GYG2: variants seen among roughly 807,000 people sequenced by gnomAD.
The protein encoded by GYG2 is glycogenin-2.
Under a neutral mutation model 29.4 loss-of-function variants are expected in GYG2, and 29 were observed. The ratio of observed to expected loss-of-function variants is 0.99; its 90% CI spans 0.74 to 1.35. The LOEUF is 1.35. Among genes scored for constraint, GYG2 ranks in the 40% most tolerant of loss-of-function variants. The pLI is 0.00. For synonymous variants in GYG2, 167 were observed against 172.3 expected, an observed-to-expected ratio of 0.97 and a Z score of 0.24; for missense variants, 370 against 385.7, an observed-to-expected ratio of 0.96 and a Z score of 0.34.
Position 2,867,624 on chromosome X carries a change from C to T in GYG2, c.1038+5902C>T, listed in dbSNP as rs145979493. 6.1e-4 allele frequency among the ~76,000 whole-genome samples: 67 copies of T among 110,555 alleles called. 1 individual carries two copies. The highest frequency in any genetic ancestry group is 2.1e-3 in the African/African-American group (65 of 30,430). ...AGGCATTGGAGACCCACTGTGTAGA[C>T]GACTGCGAGACATGCTTAAATATTT... On this transcript the variant is annotated intron_variant, in intron 8 of 10. Coordinates refer to ENST00000398806, the MANE Select transcript of GYG2 (RefSeq NM_001079855.2).
Position 2,859,990 on chromosome X carries a change from G to A in GYG2, c.762G>A (p.Thr254=), listed in dbSNP as rs749776658. The change falls in exon 7 of 11, where the codon ACG becomes ACA. Residue 254 remains threonine (T), a synonymous_variant. Coordinates refer to ENST00000398806, the MANE Select transcript of GYG2 (RefSeq NM_001079855.2). ...CGGCATTCCTTCATCTCTGGTGGACGGTCTACCAGAACAACGTGCTGCCCC... is the reference window on the plus strand; with the variant it reads ...CGGCATTCCTTCATCTCTGGTGGACAGTCTACCAGAACAACGTGCTGCCCC... The part of the protein sequence containing the change: ...HQAAFLHLWW[T]VYQNNVLPLY... The A allele has an allele frequency of 1.3e-5, 16 of 1,202,700 alleles. No homozygotes were observed. Among genetic ancestry groups the A allele is most frequent in the South Asian group, 1.8e-5 (1 of 55,820 alleles).
At chrX:2,829,321 C>T (rs1169038386) in intron 1 of GYG2, 2 of 94,199 alleles carry the variant, frequency 2.1e-5, no homozygotes, top group East Asian at 6.9e-4. Context: ...GCCGTCCAGG[C>T]GCGGCGGGGC....
intron 2 of GYG2, among the ~76,000 whole-genome samples, chrX:2,840,682 G>T (rs1165716662): frequency 2.7e-5 from 3 of 111,081 alleles, no homozygotes; most frequent in Non-Finnish European, 5.7e-5. Flanking sequence ...ATAGGTAGAT[G>T]GTAGGTATAG....
chrX:2,851,285 G>A (rs185548365), intron 3 of GYG2, among the ~76,000 whole-genome samples: 2,624 of 111,309 alleles, frequency 0.024, 98 homozygotes, highest in African/African-American at 0.08. Flanking sequence ...TCGCTCTGTC[G>A]CCCAGGCCGG....
intron 4 of GYG2, among the ~76,000 whole-genome samples, chrX:2,854,400 C>T (rs1228070693): frequency 1.8e-5 from 2 of 112,146 alleles, no homozygotes; most frequent in African/African-American, 6.5e-5. Flanking sequence ...TTTTGTATTT[C>T]TGTACAGACT....
chrX:2,851,340 G>A (rs2087867722), intron 3 of GYG2, among the ~76,000 whole-genome samples: 2 of 111,581 alleles, frequency 1.8e-5, no homozygotes, highest in Admixed American at 1.9e-4. Context: ...CTGCCTCCCA[G>A]GTTCAAGCAA....
chrX:2,831,059 A>C (rs2087252807), intron 2 of GYG2, among the ~76,000 whole-genome samples: 1 of 112,586 alleles, frequency 8.9e-6, no homozygotes. Context: ...TGTGGACATC[A>C]GATAGACTGG....
At chrX:2,841,302 T>C (rs1350499733) in intron 2 of GYG2, among the ~76,000 whole-genome samples, 1 of 108,200 alleles carries the variant, frequency 9.2e-6, no homozygotes, top group Admixed American at 9.9e-5. Context: ...GGTAGATGGA[T>C]GGATGAATGG....
At position 2,854,140 on chromosome X, in the gene GYG2, G is replaced by A; in HGVS notation, c.310G>A (p.Asp104Asn). Residue 104 changes from aspartate (D) to asparagine (N), a missense_variant, in exon 4 of 11, where the codon GAT becomes AAT. By Grantham distance (23) the Asp-to-Asn change is conservative. Transcript: ENST00000398806. The part of the protein sequence containing the change: ...LTHYSKCVFL[D>N]ADTLVLSNVD... ...TCACTACAGCAAGTGTGTCTTCCTG[G>A]ATGCAGACACTCTGGTGAGTGAAGA... is the stretch of plus-strand genomic sequence containing the variant. 3 of 1,185,901 alleles carry A rather than the reference G, an allele frequency of 2.5e-6. No individual in the cohort carries two copies. The highest frequency in any genetic ancestry group is 2.3e-6 in the Non-Finnish European group (2 of 877,212).
At chrX:2,829,738 G>C (rs2087219132) in intron 1 of GYG2, among the ~76,000 whole-genome samples, 1 of 109,491 alleles carries the variant, frequency 9.1e-6, no homozygotes, top group Admixed American at 9.6e-5. Context: ...AAGCAGGTGC[G>C]CGGGGCGGCG....
chrX:2,856,329 C>G (rs1431116326), intron 5 of GYG2, among the ~76,000 whole-genome samples, 169 bp from the exon 6 acceptor site: 2 of 111,317 alleles, frequency 1.8e-5, no homozygotes, highest in African/African-American at 6.5e-5. Flanking sequence ...CTTGGGTTAT[C>G]AGTCTTTTCT....
chrX:2,856,058 T>A (rs1168277603), intron 5 of GYG2, among the ~76,000 whole-genome samples: 2 of 112,263 alleles, frequency 1.8e-5, no homozygotes, highest in African/African-American at 6.5e-5. Flanking sequence ...GAGTATTTGT[T>A]GAAATGGGCG....
intron 8 of GYG2, 84 bp downstream of exon 8, chrX:2,861,806 C>G (rs1278961323): frequency 1.4e-6 from 1 of 731,119 alleles, no homozygotes; most frequent in Non-Finnish European, 2.1e-6. Flanking sequence ...TCCCTGGCTC[C>G]CTGGGGAGGG....
chrX:2,868,452 G>A (rs189700722), intron 8 of GYG2, among the ~76,000 whole-genome samples: 2,134 of 80,395 alleles, frequency 0.027, 27 homozygotes, highest in Non-Finnish European at 0.037. Flanking sequence ...GTGAGACTCC[G>A]TCTCAAAAAA....
Position 2,871,123 on chromosome X carries a change from G to T in GYG2, c.1039-4687G>T, listed in dbSNP as rs189511902. On this transcript the variant is annotated intron_variant, in intron 8 of 10. Coordinates refer to ENST00000398806, the MANE Select transcript of GYG2 (RefSeq NM_001079855.2). ...TGGGCTTCAGTGTTTGTGATGACCA[G>T]TCTATTTCTGGTTCTCCTCTCAGTG... 4.8e-3 allele frequency among the ~76,000 whole-genome samples: 530 copies of T among 109,989 alleles called. 4 individuals are homozygous for T. The highest frequency in any genetic ancestry group is 0.015 in the African/African-American group (445 of 30,199).
chrX:2,877,273 C>A lies in GYG2; in HGVS notation c.1217C>A (p.Ala406Asp). ...FEPSQELPAE[A>D]LRDPSLQDAL... Reference sequence around the variant, plus strand: ...CCAAGCCAGGAACTCCCTGCTGAGGCTCTCAGGGACCCCAGTCTGCAGGAT... The same window carrying A: ...CCAAGCCAGGAACTCCCTGCTGAGGATCTCAGGGACCCCAGTCTGCAGGAT... Residue 406 changes from alanine (A) to aspartate (D), a missense_variant, in exon 10 of 11, where the codon GCT (alanine) becomes GAT (aspartate). Coordinates refer to ENST00000398806, the MANE Select transcript of GYG2 (RefSeq NM_001079855.2). The A allele has an allele frequency of 8.3e-7, 1 of 1,210,315 alleles. No individual in the cohort carries two copies. The highest frequency in any genetic ancestry group is 1.1e-6 in the Non-Finnish European group (1 of 894,463).
intron 2 of GYG2, among the ~76,000 whole-genome samples, chrX:2,832,967 A>G (rs1184249858): frequency 8.9e-6 from 1 of 111,892 alleles, no homozygotes; most frequent in Non-Finnish European, 1.9e-5. Flanking sequence ...GCAGGTTATG[A>G]TATTCATATA....
chrX:2,871,960 G>T (rs1221389273), intron 8 of GYG2, among the ~76,000 whole-genome samples: 3 of 111,777 alleles, frequency 2.7e-5, no homozygotes, highest in Admixed American at 1.9e-4. Flanking sequence ...TGCTGTAAAT[G>T]TTATCTCCTT....
intron 6 of GYG2, 23 bp from the exon 7 acceptor site, chrX:2,859,819 GA>G (rs1423414484): frequency 9.5e-7 from 1 of 1,054,381 alleles, no homozygotes. Flanking sequence ...GTGGAAATCA[GA>G]ATCCCTTCTG....
Sources: gnomAD v4.1 joint callset for allele counts (sites outside exome capture counted in the v4.1 genomes callset) on GRCh38, gnomAD v4.1.1 for gene constraint, MANE v1.5 for transcripts, NCBI Gene and HGNC (gene_info 2026-07-23, HGNC 2026-07-21) for gene names.